The following ADCY2 variants were observed in gnomAD, a reference collection of about 807,000 sequenced individuals.
The protein encoded by ADCY2 is adenylate cyclase 2, also known as adenylate cyclase type 2.
A neutral mutation model predicts 125.2 loss-of-function variants in ADCY2; 31 were observed. The observed-to-expected ratio is 0.25, with a 90% CI of 0.19 to 0.33. The LOEUF (loss-of-function observed/expected upper bound fraction) is 0.33, where lower values mean the gene tolerates loss of function less well. Among genes scored for constraint, ADCY2 ranks in the 10% least tolerant of loss-of-function variants. The probability of loss-of-function intolerance (pLI) is 1.00; values close to 1 mark genes in which losing one functional copy is unlikely to be tolerated. For synonymous variants in ADCY2, 512 were observed against 548.4 expected (o/e 0.93, Z 0.93); for missense variants, 904 against 1,418.2 (o/e 0.64, Z 5.82).
intron 3 of ADCY2, among the ~76,000 whole-genome samples, chr5:7,625,896 C>T (rs1738102247): frequency 6.6e-6 from 1 of 152,090 alleles, no homozygotes; most frequent in East Asian, 1.9e-4. Flanking sequence ...TTGCATTAGC[C>T]AAAGCAAAGC....
chr5:7,686,370 C>A (rs2126719740), intron 4 of ADCY2, among the ~76,000 whole-genome samples: 2 of 152,256 alleles, frequency 1.3e-5, no homozygotes, highest in South Asian at 2.1e-4. Flanking sequence ...TCTCTTATAT[C>A]AGACATAATT....
chr5:7,481,509 C>T lies in ADCY2; in HGVS notation c.409-39229C>T, dbSNP rs151290175. ...GTCTCGATCTCTTGACCTCATGATC[C>T]GCTTGCCTCGGCCTCCCAAAGTGCT... On this transcript the variant is annotated intron_variant, in intron 2 of 24. Coordinates refer to ENST00000338316, the MANE Select transcript of ADCY2 (RefSeq NM_020546.3). Among the ~76,000 whole-genome samples, 1,117 of 152,148 alleles carry T rather than the reference C, an allele frequency of 7.3e-3. 11 individuals carry two copies. Among genetic ancestry groups the T allele is most frequent in the Middle Eastern group, 0.024 (7 of 294 alleles).
At chr5:7,511,514 G>A (rs1184817420) in intron 2 of ADCY2, among the ~76,000 whole-genome samples, 1 of 152,074 alleles carries the variant, frequency 6.6e-6, no homozygotes, top group African/African-American at 2.4e-5. Context: ...GGCAGAGGCT[G>A]CAGTGAGCTG....
chr5:7,533,730 A>G (rs184396645), intron 3 of ADCY2, among the ~76,000 whole-genome samples: 41 of 152,316 alleles, frequency 2.7e-4, no homozygotes, highest in South Asian at 4.1e-4. Context: ...TTCAGGCAAT[A>G]GGAGATTTAT....
chr5:7,491,507 C>T (rs966884469), intron 2 of ADCY2, among the ~76,000 whole-genome samples: 3 of 152,074 alleles, frequency 2.0e-5, no homozygotes, highest in Admixed American at 6.5e-5. Context: ...AAATTGATCC[C>T]TGGTGAATCT....
At chr5:7,645,421 G>A (rs1312118637) in intron 4 of ADCY2, among the ~76,000 whole-genome samples, 1 of 152,090 alleles carries the variant, frequency 6.6e-6, no homozygotes, top group African/African-American at 2.4e-5. Context: ...ATAAAGGCCA[G>A]GATATACTTT....
intron 20 of ADCY2, chr5:7,797,149 G>C (rs887491628): frequency 2.0e-5 from 3 of 152,230 alleles, no homozygotes; most frequent in Non-Finnish European, 4.4e-5. Context: ...AGGCTAGCAT[G>C]CCCTTGGGGT....
chr5:7,485,931 C>A (rs1357104266), intron 2 of ADCY2, among the ~76,000 whole-genome samples: 1 of 152,052 alleles, frequency 6.6e-6, no homozygotes, highest in African/African-American at 2.4e-5. Flanking sequence ...CAGTGATAGT[C>A]CCCCTCATTT....
intron 2 of ADCY2, among the ~76,000 whole-genome samples, chr5:7,450,883 C>T (rs74900569): frequency 0.028 from 4,292 of 152,228 alleles, 176 homozygotes; most frequent in African/African-American, 0.098. Context: ...TATCTGTTTA[C>T]GGCATGCTAT....
chr5:7,464,582 A>C lies in ADCY2; in HGVS notation c.408+49812A>C, dbSNP rs148117143. Among the ~76,000 whole-genome samples, 327 of 152,252 alleles carry C rather than the reference A, an allele frequency of 2.1e-3. 3 individuals carry two copies. Among genetic ancestry groups the C allele is most frequent in the African/African-American group, 7.4e-3 (306 of 41,544 alleles). On this transcript the variant is annotated intron_variant, in intron 2 of 24. Transcript: ENST00000338316. ...TATGCAGCAGTAGATAAGGGGAACCAATAAGGTCAGTTCACCTCAGCTTAG... is the reference window on the plus strand; with the variant it reads ...TATGCAGCAGTAGATAAGGGGAACCCATAAGGTCAGTTCACCTCAGCTTAG...
intron 2 of ADCY2, among the ~76,000 whole-genome samples, chr5:7,443,545 C>T (rs1341843457): frequency 2.2e-5 from 3 of 139,436 alleles, no homozygotes; most frequent in East Asian, 4.3e-4. Flanking sequence ...GAGGCTGAGG[C>T]AGGAGAATGG....
intron 3 of ADCY2, among the ~76,000 whole-genome samples, chr5:7,618,566 A>G (rs991314796): frequency 6.6e-6 from 1 of 152,224 alleles, no homozygotes; most frequent in South Asian, 2.1e-4. Flanking sequence ...ATGCTTTTAA[A>G]TAAAACTAAA....
intron 3 of ADCY2, among the ~76,000 whole-genome samples, chr5:7,556,101 A>C (rs1735499166): frequency 6.6e-6 from 1 of 152,168 alleles, no homozygotes; most frequent in African/African-American, 2.4e-5. Flanking sequence ...TGGGTGCTTG[A>C]AGAATATAAT....
intron 4 of ADCY2, among the ~76,000 whole-genome samples, chr5:7,675,168 A>G (rs1740080433): frequency 6.9e-6 from 1 of 144,836 alleles, no homozygotes; most frequent in African/African-American, 2.5e-5. Flanking sequence ...AAAAAAAAAA[A>G]AAAGAAAGAA....
At chr5:7,598,017 A>G (rs1429094256) in intron 3 of ADCY2, among the ~76,000 whole-genome samples, 2 of 152,192 alleles carry the variant, frequency 1.3e-5, no homozygotes, top group East Asian at 1.9e-4. Context: ...CAACGTATAC[A>G]TAGATCAAAC....
At chr5:7,629,558 C>A (rs1298771253) in intron 4 of ADCY2, among the ~76,000 whole-genome samples, 1 of 152,056 alleles carries the variant, frequency 6.6e-6, no homozygotes, top group East Asian at 1.9e-4. Flanking sequence ...TGTGTTCTTG[C>A]CCTAAAAATG....
rs1745550635 is a variant in ADCY2, at chr5:7,828,391, GAGTACTTT to G, written c.*1521_*1528del. 1 of 152,182 alleles carries G rather than the reference GAGTACTTT, an allele frequency of 6.6e-6. No individual in the cohort carries two copies. The highest frequency in any genetic ancestry group is 2.4e-5 in the African/African-American group (1 of 41,432). 9.4% of individuals were successfully genotyped at this position (152,182 alleles called of 1,614,324 possible). On this transcript the variant is annotated 3_prime_UTR_variant, in exon 25 of 25. Transcript: ENST00000338316. ...GAACACATCTCTTAGTCCCTCTTAG[GAGTACTTT>G]CCTTATTGGCAACTTATGGACTCGC... is the stretch of plus-strand genomic sequence containing the variant.
chr5:7,600,120 C>G (rs1737151759), intron 3 of ADCY2, among the ~76,000 whole-genome samples: 1 of 152,110 alleles, frequency 6.6e-6, no homozygotes, highest in Non-Finnish European at 1.5e-5. Context: ...TGCAAAGCTT[C>G]CCTGAGGAAA....
At chr5:7,779,940 G>A (rs1490918441) in intron 18 of ADCY2, among the ~76,000 whole-genome samples, 5 of 152,232 alleles carry the variant, frequency 3.3e-5, no homozygotes, top group Admixed American at 6.5e-5. Context: ...GATACGGAGC[G>A]TGGGAACCCT....
Sources: gnomAD v4.1 joint callset for allele counts (sites outside exome capture counted in the v4.1 genomes callset) on GRCh38, gnomAD v4.1.1 for gene constraint, MANE v1.5 for transcripts, NCBI Gene and HGNC (gene_info 2026-07-23, HGNC 2026-07-21) for gene names.